Variants in ABCC4 observed in about 807,000 individuals in gnomAD.
The protein encoded by ABCC4 is ATP-binding cassette sub-family C member 4.
Under a neutral mutation model 168.5 loss-of-function variants are expected in ABCC4, and 102 were observed. That is an observed-to-expected ratio of 0.61 (90% confidence interval 0.52 to 0.71). The LOEUF (loss-of-function observed/expected upper bound fraction) is 0.71, where lower values mean the gene tolerates loss of function less well. Ranked by LOEUF, ABCC4 falls within the 30% of genes least tolerant of loss-of-function variation. The pLI is 0.00. For synonymous variants in ABCC4, 617 were observed against 590.7 expected, an observed-to-expected ratio of 1.04 and a Z score of -0.65; for missense variants, 1,402 against 1,605.8, an observed-to-expected ratio of 0.87 and a Z score of 2.17.
At chr13:95,154,304 C>T (rs1023156001) in intron 19 of ABCC4, among the ~76,000 whole-genome samples, 3 of 152,088 alleles carry the variant, frequency 2.0e-5, no homozygotes, top group Admixed American at 6.6e-5. Context: ...CTTTACAATA[C>T]GCATCAGGCA....
intron 6 of ABCC4, among the ~76,000 whole-genome samples, chr13:95,208,608 CTTTTTTTTTTTTTTT>C (rs58749262): frequency 5.4e-5 from 4 of 74,638 alleles, no homozygotes; most frequent in South Asian, 5.5e-4. Context: ...AGCTGTATTT[CTTTTTTTTTTTTTTT>C]TTTTTTTTTT....
At chr13:95,240,093 G>A (rs895957251) in intron 3 of ABCC4, among the ~76,000 whole-genome samples, 9 of 152,144 alleles carry the variant, frequency 5.9e-5, no homozygotes, top group Non-Finnish European at 8.8e-5. Context: ...CAAGCTTCTA[G>A]ATCTAACTAC....
At chr13:95,054,999 G>T (rs1168850046) in intron 26 of ABCC4, among the ~76,000 whole-genome samples, 2 of 152,190 alleles carry the variant, frequency 1.3e-5, no homozygotes, top group African/African-American at 4.8e-5. Flanking sequence ...GGTAAAATGG[G>T]CACTTTGTGT....
chr13:95,295,995 G>A (rs995524659), intron 1 of ABCC4, among the ~76,000 whole-genome samples: 5 of 150,808 alleles, frequency 3.3e-5, no homozygotes, highest in East Asian at 2.0e-4. Context: ...TTAGCTAGGT[G>A]TGGTGGCGTG....
chr13:95,029,988 T>TATCTATCCATCCATCCATCC (rs1555302414), intron 30 of ABCC4, among the ~76,000 whole-genome samples: 5 of 146,326 alleles, frequency 3.4e-5, no homozygotes, highest in Non-Finnish European at 6.0e-5. Flanking sequence ...CTTGTCTATC[T>TATCTATCCATCCATCCATCC]ATCCATCCAT....
chr13:95,247,827 T>C (rs2040148082), intron 1 of ABCC4, 74 bp from the exon 2 acceptor site: 1 of 1,219,966 alleles, frequency 8.2e-7, no homozygotes, highest in African/African-American at 1.5e-5. Flanking sequence ...CCTCCATGGG[T>C]TTTGCTTAAA....
At chr13:95,202,991 A>G (rs935303430) in intron 8 of ABCC4, among the ~76,000 whole-genome samples, 2 of 152,034 alleles carry the variant, frequency 1.3e-5, no homozygotes, top group Admixed American at 6.6e-5. Flanking sequence ...GGCCTGGGCT[A>G]AAGCCCCGGA....
At chr13:95,215,847 A>C (rs1242559772) in intron 4 of ABCC4, among the ~76,000 whole-genome samples, 3 of 152,240 alleles carry the variant, frequency 2.0e-5, no homozygotes, top group Non-Finnish European at 4.4e-5. Flanking sequence ...TTTGGCTTTA[A>C]GGACTTTGCA....
intron 19 of ABCC4, among the ~76,000 whole-genome samples, chr13:95,143,238 G>A (rs1403911968): frequency 3.3e-5 from 5 of 151,864 alleles, no homozygotes; most frequent in Non-Finnish European, 5.9e-5. Flanking sequence ...AGAACAGCTG[G>A]ATGGGATTTC....
rs749961375 is a variant in ABCC4, at chr13:95,194,906, C to T, written c.1193G>A (p.Arg398His). 10 of 1,613,910 alleles carry T rather than the reference C, an allele frequency of 6.2e-6. No homozygotes were observed. The highest frequency in any genetic ancestry group is 2.2e-5 in the South Asian group (2 of 91,058). ...TFLLLDEISQ[R>H]NRQLPSDGKK... is the part of the protein sequence containing the mutation. ...ACCATCTGACGGCAGCTGACGGTTG[C>T]GCTGTGATATCTCATCAAGTAGCAA... Residue 398 changes from arginine to histidine, a missense_variant, in exon 9 of 31, where the codon CGC becomes CAC. By Grantham distance (29) the Arg-to-His change is conservative. Around this residue, in one of 3 missense-constraint regions of ABCC4, gnomAD observed 1,007 missense variants for 1,127.3 expected, o/e 0.89. Transcript: ENST00000645237.
intron 1 of ABCC4, among the ~76,000 whole-genome samples, chr13:95,256,563 C>T: frequency 6.6e-6 from 1 of 152,168 alleles, no homozygotes; most frequent in East Asian, 1.9e-4. Flanking sequence ...TGACACCAGC[C>T]TGGACAACAT....
In ABCC4 at chr13:95,084,457, G is replaced by T. The variant is rs757785875; in HGVS notation, c.2536-1167C>A. ...AGAGTTCATTAACATGCCCAATAAA[G>T]AATAGATAAGAGAAATGTAATTAAA... On this transcript the variant is annotated intron_variant, in intron 20 of 30. Coordinates refer to ENST00000645237, the MANE Select transcript of ABCC4 (RefSeq NM_005845.5). Among the ~76,000 whole-genome samples, 29 of 152,154 alleles carry T rather than the reference G, an allele frequency of 1.9e-4. 1 individual carries two copies. Among genetic ancestry groups the T allele is most frequent in the Admixed American group, 1.2e-3 (19 of 15,280 alleles).
chr13:95,271,559 C>T (rs1347831858), intron 1 of ABCC4, among the ~76,000 whole-genome samples: 3 of 152,170 alleles, frequency 2.0e-5, no homozygotes, highest in African/African-American at 7.2e-5. Flanking sequence ...TTACCTCAGC[C>T]CTCAATATCC....
At chr13:95,064,486 T>TACAC (rs1221472607) in intron 25 of ABCC4, among the ~76,000 whole-genome samples, 1 of 129,818 alleles carries the variant, frequency 7.7e-6, no homozygotes, top group African/African-American at 2.8e-5. Context: ...CTCACACACA[T>TACAC]ACACACACAC....
intron 19 of ABCC4, among the ~76,000 whole-genome samples, chr13:95,135,505 C>G (rs1051611776): frequency 6.6e-6 from 1 of 150,748 alleles, no homozygotes; most frequent in Non-Finnish European, 1.5e-5. Flanking sequence ...CTTGACCTCT[C>G]GGGCTCAAGT....
rs376681760 is a variant in ABCC4, at chr13:95,161,213, A to G, written c.2431T>C (p.Leu811=). 14 of 1,607,294 alleles carry G rather than the reference A, an allele frequency of 8.7e-6. No homozygotes were observed. The highest frequency in any genetic ancestry group is 1.1e-5 in the Non-Finnish European group (13 of 1,178,630). ...CCTATTGGATTTCTATCAAAGAATA[A>G]TACCGGAGCTTTCAGAATTGACTCA... ...MFESILKAPV[L]FFDRNPIGRI... The change falls in exon 19 of 31, where the codon TTA becomes CTA. Residue 811 remains leucine (L), a synonymous_variant. Transcript: ENST00000645237.
intron 4 of ABCC4, among the ~76,000 whole-genome samples, chr13:95,230,272 G>A (rs1594342806): frequency 6.6e-6 from 1 of 152,166 alleles, no homozygotes; most frequent in Non-Finnish European, 1.5e-5. Flanking sequence ...CACCCTTGGA[G>A]CCATCAATCC....
intron 27 of ABCC4, among the ~76,000 whole-genome samples, chr13:95,046,260 G>A (rs756696539): frequency 3.3e-5 from 5 of 152,104 alleles, no homozygotes; most frequent in Non-Finnish European, 7.3e-5. Flanking sequence ...TTCTAAGACC[G>A]GCAGCCAGAT....
At chr13:95,236,148 C>A (rs1028682704) in intron 3 of ABCC4, among the ~76,000 whole-genome samples, 2 of 152,056 alleles carry the variant, frequency 1.3e-5, no homozygotes, top group African/African-American at 4.8e-5. Context: ...GCACTTCACC[C>A]GGCAACCTAC....
Sources: gnomAD v4.1 joint callset for allele counts (sites outside exome capture counted in the v4.1 genomes callset) on GRCh38, gnomAD v4.1.1 for gene constraint, gnomAD v4.1.1 regional missense constraint, MANE v1.5 for transcripts, NCBI Gene and HGNC (gene_info 2026-07-23, HGNC 2026-07-21) for gene names.